CEP112: variants seen among roughly 807,000 people sequenced by gnomAD.
CEP112 encodes the protein centrosomal protein 112.
Under a neutral mutation model 153.0 loss-of-function variants are expected in CEP112, and 127 were observed. That is an observed-to-expected ratio of 0.83 (90% CI 0.72 to 0.96). The LOEUF (loss-of-function observed/expected upper bound fraction) is 0.96. CEP112 is among the 40% of genes least tolerant of loss of function. The pLI, the probability that CEP112 is intolerant of heterozygous loss-of-function variation, is 0.00. For missense variants in CEP112, 1,089 were observed against 1,101.2 expected (o/e 0.99, Z 0.16); for synonymous variants, 358 against 374.4 (o/e 0.96, Z 0.51).
chr17:65,950,427 A>G (rs1266763109), intron 18 of CEP112, among the ~76,000 whole-genome samples: 1 of 152,072 alleles, frequency 6.6e-6, no homozygotes, highest in Non-Finnish European at 1.5e-5. Flanking sequence ...TTTGTTTTTA[A>G]TGCTTAAGTC....
chr17:66,156,975 C>G (rs995230323), intron 4 of CEP112, among the ~76,000 whole-genome samples: 5 of 152,128 alleles, frequency 3.3e-5, no homozygotes, highest in African/African-American at 1.2e-4. Context: ...TCCAGGCAAA[C>G]TTCCCCAACC....
intron 12 of CEP112, among the ~76,000 whole-genome samples, chr17:66,041,367 C>T (rs2065970644): frequency 6.6e-6 from 1 of 151,918 alleles, no homozygotes. Flanking sequence ...TTAAGCAAAA[C>T]AGTGTATAGC....
chr17:65,787,529 A>C (rs1191034181), intron 21 of CEP112, among the ~76,000 whole-genome samples: 1 of 152,166 alleles, frequency 6.6e-6, no homozygotes, highest in African/African-American at 2.4e-5. Context: ...ATTGCATTAA[A>C]TCTATAGGTC....
intron 17 of CEP112, among the ~76,000 whole-genome samples, chr17:65,968,314 C>T (rs1043032522): frequency 6.6e-6 from 1 of 152,084 alleles, no homozygotes; most frequent in Admixed American, 6.6e-5. Flanking sequence ...TTATCCATGC[C>T]TTGTCCCAGG....
intron 16 of CEP112, among the ~76,000 whole-genome samples, chr17:66,017,820 G>A (rs1291879629): frequency 6.6e-6 from 1 of 152,074 alleles, no homozygotes; most frequent in Non-Finnish European, 1.5e-5. Context: ...CTAACATGGT[G>A]AAAGCCCCGT....
intron 24 of CEP112, among the ~76,000 whole-genome samples, chr17:65,648,394 C>G (rs545514065): frequency 1.3e-5 from 2 of 152,318 alleles, no homozygotes; most frequent in Admixed American, 6.5e-5. Flanking sequence ...ACATGGTGCC[C>G]ATGTGACTAA....
rs113190321 is a variant in CEP112 at position 65,854,749 on chromosome 17, T to C, written c.2164-2715A>G. 9.2e-3 allele frequency among the ~76,000 whole-genome samples: 1,403 copies of C among 152,342 alleles called. 13 individuals carry two copies. The highest frequency in any genetic ancestry group is 0.016 in the Non-Finnish European group (1,118 of 68,036). ...TCTATTTGTTTCTCTATTTCATAGA[T>C]TGATATCTGTGTATCAATAATCAGC... On this transcript the variant is annotated intron_variant, in intron 20 of 26. Transcript: ENST00000535342.
At chr17:65,798,299 C>T (rs2055054943) in intron 21 of CEP112, among the ~76,000 whole-genome samples, 1 of 152,146 alleles carries the variant, frequency 6.6e-6, no homozygotes, top group Non-Finnish European at 1.5e-5. Context: ...CTATTATCTT[C>T]TCATATGTAT....
At chr17:65,866,180 C>G (rs2058479206) in intron 20 of CEP112, among the ~76,000 whole-genome samples, 1 of 152,228 alleles carries the variant, frequency 6.6e-6, no homozygotes, top group Non-Finnish European at 1.5e-5. Context: ...TCTGCTCCCA[C>G]TGCCTGGCCT....
intron 8 of CEP112, among the ~76,000 whole-genome samples, chr17:66,088,566 G>A (rs1380216213): frequency 2.0e-5 from 3 of 152,042 alleles, no homozygotes; most frequent in African/African-American, 7.2e-5. Context: ...GCAGGATTCA[G>A]AGCCAGGTCA....
chr17:66,041,659 T>C (rs2065986814), intron 12 of CEP112, among the ~76,000 whole-genome samples: 1 of 152,158 alleles, frequency 6.6e-6, no homozygotes, highest in Non-Finnish European at 1.5e-5. Flanking sequence ...GATGGGGCCA[T>C]GTCCAAGAAG....
chr17:65,637,185 T>C lies in CEP112; in HGVS notation c.2803A>G (p.Asn935Asp). 1 of 1,613,406 alleles carries C rather than the reference T, an allele frequency of 6.2e-7. No homozygotes were observed. Among genetic ancestry groups the C allele is most frequent in the Non-Finnish European group, 8.5e-7 (1 of 1,179,352 alleles). ...DTISSLKSQV[N>D]FLQKRASILQ... ...ATGGAAGCTCTCTTTTGCAGAAAAT[T>C]AACCTAGAAAAGACACCTTGTGTGA... The change falls in exon 26 of 27, where the codon AAT becomes GAT. Residue 935 changes from asparagine (N) to aspartate (D), a missense_variant. Coordinates refer to ENST00000535342, the MANE Select transcript of CEP112 (RefSeq NM_001199165.4).
In CEP112 at chr17:65,989,610, A is replaced by C. The variant is rs559911012; in HGVS notation, c.1736+16080T>G. On this transcript the variant is annotated intron_variant, in intron 17 of 26. Transcript: ENST00000535342. ...CAACACCAGAACCATCTTACAACAA[A>C]TGCTAAACAGAGTTTTTCCATTAGA... Among the ~76,000 whole-genome samples the C allele has an allele frequency of 4.0e-3, 602 of 152,302 alleles. 2 individuals carry two copies. Among genetic ancestry groups the C allele is most frequent in the Non-Finnish European group, 7.0e-3 (479 of 68,032 alleles).
intron 18 of CEP112, among the ~76,000 whole-genome samples, chr17:65,946,096 A>C (rs1237210758): frequency 6.6e-6 from 1 of 152,168 alleles, no homozygotes; most frequent in Non-Finnish European, 1.5e-5. Flanking sequence ...TTTGTTCAAC[A>C]CATGAATTTC....
At chr17:65,969,945 TCA>T (rs2062598585) in intron 17 of CEP112, among the ~76,000 whole-genome samples, 1 of 152,178 alleles carries the variant, frequency 6.6e-6, no homozygotes, top group South Asian at 2.1e-4. Context: ...GGCATGCATA[TCA>T]CAGGTATATT....
chr17:66,164,387 G>A (rs754453367), intron 4 of CEP112, among the ~76,000 whole-genome samples: 3 of 151,276 alleles, frequency 2.0e-5, no homozygotes, highest in Admixed American at 6.6e-5. Flanking sequence ...GCAAGACCCC[G>A]TCTCTACCAA....
At chr17:66,100,001 TA>T (rs1245100001) in intron 6 of CEP112, among the ~76,000 whole-genome samples, 1 of 151,508 alleles carries the variant, frequency 6.6e-6, no homozygotes, top group African/African-American at 2.4e-5. Flanking sequence ...GGCATAAAAA[TA>T]CTACAAATCA....
At chr17:66,006,605 CAA>C (rs529573892) in intron 16 of CEP112, among the ~76,000 whole-genome samples, 2 of 136,178 alleles carry the variant, frequency 1.5e-5, no homozygotes, top group Admixed American at 7.3e-5. Context: ...GACTCCATCT[CAA>C]AAAAAAAAAA....
chr17:65,868,870 T>C (rs1041686081), intron 20 of CEP112, among the ~76,000 whole-genome samples: 10 of 152,258 alleles, frequency 6.6e-5, no homozygotes, highest in Non-Finnish European at 1.5e-4. Flanking sequence ...ACAAGTTATA[T>C]AGTTATTTTA....
Sources: allele counts gnomAD v4.1 joint callset (sites outside exome capture counted in the v4.1 genomes callset), GRCh38; gene constraint gnomAD v4.1.1; transcripts MANE v1.5; gene names NCBI Gene and HGNC (gene_info 2026-07-23, HGNC 2026-07-21).